The following KIF16B variants were observed in gnomAD, a reference collection of about 807,000 sequenced individuals.
The protein encoded by KIF16B is kinesin family member 16B.
KIF16B carries 98 observed loss-of-function variants against 156.3 expected under a neutral mutation model. That is an observed-to-expected ratio of 0.63 (90% confidence interval 0.53 to 0.74). The LOEUF is 0.74. Ranked by LOEUF, KIF16B falls within the 30% of genes least tolerant of loss-of-function variation. KIF16B has a pLI of 0.00. For synonymous variants in KIF16B, 564 were observed against 583.7 expected (o/e 0.97, Z 0.49); for missense variants, 1,421 against 1,606.5 (o/e 0.88, Z 1.97).
At chr20:16,426,401 C>A (rs1025866485) in intron 15 of KIF16B, among the ~76,000 whole-genome samples, 5 of 152,014 alleles carry the variant, frequency 3.3e-5, no homozygotes, top group African/African-American at 1.2e-4. Flanking sequence ...AGGAAAAGTT[C>A]CAGTCTGAAA....
intron 3 of KIF16B, 87 bp from the exon 4 acceptor site, chr20:16,515,751 T>C: frequency 1.4e-6 from 1 of 727,112 alleles, no homozygotes. Flanking sequence ...TCTTGAATGA[T>C]ACTTTCAGCT....
intron 15 of KIF16B, among the ~76,000 whole-genome samples, chr20:16,412,608 A>G (rs1449109685): frequency 6.6e-6 from 1 of 152,108 alleles, no homozygotes; most frequent in Admixed American, 6.6e-5. Flanking sequence ...AGTGCCGCAT[A>G]AAAATGGGGA....
chr20:16,325,792 A>G (rs2063836897), intron 24 of KIF16B, among the ~76,000 whole-genome samples: 1 of 152,010 alleles, frequency 6.6e-6, no homozygotes, highest in Non-Finnish European at 1.5e-5. Context: ...CTAGAAAAGA[A>G]AAAAAACCCT....
At chr20:16,373,305 T>G (rs2064868189) in intron 20 of KIF16B, among the ~76,000 whole-genome samples, 1 of 152,234 alleles carries the variant, frequency 6.6e-6, no homozygotes, top group Non-Finnish European at 1.5e-5. Flanking sequence ...CTGTGAGATA[T>G]GAGGCTCATG....
rs896763069 is a variant in KIF16B at position 16,530,950 on chromosome 20, C to T, written c.48-2510G>A. ...TCCTGAGCTCAAGCAATCCACCCGC[C>T]TCGACCTCCCAAATTGCTGGGATTA... On this transcript the variant is annotated intron_variant, in intron 1 of 25. Transcript: ENST00000354981. 3.3e-5 allele frequency among the ~76,000 whole-genome samples: 5 copies of T among 152,290 alleles called. No homozygotes were observed. In the East Asian group the frequency reaches 9.7e-4, roughly 29 times the overall value.
At chr20:16,293,168 T>C (rs2063337041) in intron 25 of KIF16B, among the ~76,000 whole-genome samples, 2 of 151,970 alleles carry the variant, frequency 1.3e-5, no homozygotes, top group Non-Finnish European at 2.9e-5. Flanking sequence ...TTCCCAGAAA[T>C]GAAGGATATG....
intron 25 of KIF16B, among the ~76,000 whole-genome samples, chr20:16,306,786 T>C (rs1015721745): frequency 1.9e-4 from 29 of 152,258 alleles, no homozygotes; most frequent in Admixed American, 1.7e-3. Flanking sequence ...ATCTCTATCA[T>C]CTCTATCATC....
chr20:16,552,261 A>G (rs2070696077), intron 1 of KIF16B, among the ~76,000 whole-genome samples: 1 of 152,222 alleles, frequency 6.6e-6, no homozygotes, highest in African/African-American at 2.4e-5. Flanking sequence ...TTAGCTTCCT[A>G]TAAGTCATAC....
In KIF16B at chr20:16,547,281, C is replaced by A. The variant is rs568497998; in HGVS notation, c.48-18841G>T. Among the ~76,000 whole-genome samples the A allele has an allele frequency of 4.5e-4, 68 of 152,300 alleles. 1 individual carries two copies. The highest frequency in any genetic ancestry group is 4.3e-3 in the Admixed American group (66 of 15,298). ...TGGCCAGAGGCAGGACAAACACATGCCTCCCCTTTACAAGGCTGTGAGGGA... is the reference window on the plus strand; with the variant it reads ...TGGCCAGAGGCAGGACAAACACATGACTCCCCTTTACAAGGCTGTGAGGGA... On this transcript the variant is annotated intron_variant, in intron 1 of 25. Coordinates refer to ENST00000354981, the MANE Select transcript of KIF16B (RefSeq NM_024704.5).
rs529527641 is a variant in KIF16B, at chr20:16,389,794, G to A, written c.1785-8047C>T. On this transcript the variant is annotated intron_variant, in intron 17 of 25. Transcript: ENST00000354981. Reference sequence around the variant, plus strand: ...CACCCAGGGTAGGCTCTGGGAGACTGATGAAAAGAAGAACCCAGCCATCCA... The same window carrying A: ...CACCCAGGGTAGGCTCTGGGAGACTAATGAAAAGAAGAACCCAGCCATCCA... Among the ~76,000 whole-genome samples the A allele has an allele frequency of 7.2e-5, 11 of 152,314 alleles. No homozygotes were observed. The South Asian group carries it at 2.3e-3, about 32-fold the overall frequency.
At chr20:16,307,336 A>G (rs1206523596) in intron 25 of KIF16B, among the ~76,000 whole-genome samples, 1 of 152,240 alleles carries the variant, frequency 6.6e-6, no homozygotes, top group Non-Finnish European at 1.5e-5. Context: ...AATGAACAAA[A>G]ATAAAACAGA....
At chr20:16,322,177 A>G (rs928657260) in intron 24 of KIF16B, among the ~76,000 whole-genome samples, 16 of 152,022 alleles carry the variant, frequency 1.1e-4, no homozygotes, top group African/African-American at 3.4e-4. Flanking sequence ...CAAAATTCCT[A>G]TGGAACCAAA....
Position 16,374,217 on chromosome 20 carries a change from C to T in KIF16B, c.3350+40G>A, listed in dbSNP as rs577327117. 2.7e-6 allele frequency: 4 copies of T among 1,502,240 alleles called. No individual in the cohort carries two copies. The East Asian group carries it at 9.3e-5, about 35-fold the overall frequency. 93.1% of individuals were successfully genotyped at this position (1,502,240 alleles called of 1,614,324 possible). ...AGAGAAACAATGAGTCCTTGAGTCA[C>T]ATCAAATGAGAAGCCTGGAATCACT... On this transcript the variant is annotated intron_variant, in intron 20 of 25. Coordinates refer to ENST00000354981, the MANE Select transcript of KIF16B (RefSeq NM_024704.5).
chr20:16,507,559 G>A (rs977797809), intron 7 of KIF16B, among the ~76,000 whole-genome samples: 4 of 151,910 alleles, frequency 2.6e-5, no homozygotes, highest in African/African-American at 4.8e-5. Context: ...TCATCAACAC[G>A]GCAAGATGAG....
intron 15 of KIF16B, among the ~76,000 whole-genome samples, chr20:16,410,404 T>C (rs1267327224): frequency 6.6e-6 from 1 of 151,310 alleles, no homozygotes; most frequent in Non-Finnish European, 1.5e-5. Context: ...GACTATCCCT[T>C]AGCCAAAATG....
intron 15 of KIF16B, among the ~76,000 whole-genome samples, chr20:16,407,107 G>T (rs1476109250): frequency 2.0e-5 from 3 of 152,078 alleles, no homozygotes; most frequent in Non-Finnish European, 4.4e-5. Flanking sequence ...CTGCACAAGG[G>T]GCAAAATAAT....
At chr20:16,526,938 T>C (rs1333950172) in intron 2 of KIF16B, among the ~76,000 whole-genome samples, 3 of 152,340 alleles carry the variant, frequency 2.0e-5, no homozygotes, top group Non-Finnish European at 2.9e-5. Flanking sequence ...GCATCTGTTC[T>C]GGTTACTCAA....
chr20:16,402,747 A>T (rs1037579208), intron 17 of KIF16B, among the ~76,000 whole-genome samples: 1 of 152,180 alleles, frequency 6.6e-6, no homozygotes, highest in Non-Finnish European at 1.5e-5. Flanking sequence ...ATGAGCACAG[A>T]CAGTGGACAG....
chr20:16,273,762 CCCA>C (rs2063018207), intron 25 of KIF16B, among the ~76,000 whole-genome samples: 1 of 152,112 alleles, frequency 6.6e-6, no homozygotes, highest in Non-Finnish European at 1.5e-5. Flanking sequence ...GAAACAACTT[CCCA>C]CCCACCTGGA....
Sources: gnomAD v4.1 joint callset for allele counts (sites outside exome capture counted in the v4.1 genomes callset) on GRCh38, gnomAD v4.1.1 for gene constraint, MANE v1.5 for transcripts, NCBI Gene and HGNC (gene_info 2026-07-23, HGNC 2026-07-21) for gene names.